The following FANCC variants were observed in gnomAD, a reference collection of about 807,000 sequenced individuals.
FANCC encodes the protein FA complementation group C.
A neutral mutation model predicts 71.3 loss-of-function variants in FANCC; 55 were observed. The observed-to-expected ratio is 0.77, with a 90% CI of 0.62 to 0.97. FANCC has a LOEUF of 0.97. FANCC is among the 50% of genes least tolerant of loss of function. FANCC has a pLI of 0.00. For missense variants in FANCC, 678 were observed against 670.9 expected, an observed-to-expected ratio of 1.01 and a Z score of -0.12; for synonymous variants, 275 against 244.9, an observed-to-expected ratio of 1.12 and a Z score of -1.15.
chr9:95,154,780 T>A (rs1446857041), intron 6 of FANCC, among the ~76,000 whole-genome samples: 1 of 152,160 alleles, frequency 6.6e-6, no homozygotes, highest in Admixed American at 6.5e-5. Flanking sequence ...TTCTTAAAAA[T>A]ATCAAATATA....
intron 1 of FANCC, among the ~76,000 whole-genome samples, chr9:95,312,941 C>G (rs1835497366): frequency 6.6e-6 from 1 of 152,166 alleles, no homozygotes; most frequent in African/African-American, 2.4e-5. Flanking sequence ...GAAACCCATC[C>G]TCTAGGGCGC....
At chr9:95,301,076 T>C (rs1262063020) in intron 1 of FANCC, among the ~76,000 whole-genome samples, 1 of 151,808 alleles carries the variant, frequency 6.6e-6, no homozygotes, top group African/African-American at 2.4e-5. Context: ...TGTTCCTCGC[T>C]TGCAATTATT....
At chr9:95,281,306 A>C (rs1218977177) in intron 1 of FANCC, among the ~76,000 whole-genome samples, 2 of 152,092 alleles carry the variant, frequency 1.3e-5, no homozygotes, top group Non-Finnish European at 2.9e-5. Context: ...AAGAGAAAAG[A>C]AGCAAATAAT....
chr9:95,144,728 C>A (rs898505504), intron 7 of FANCC, among the ~76,000 whole-genome samples: 12 of 152,180 alleles, frequency 7.9e-5, no homozygotes, highest in Admixed American at 7.2e-4. Context: ...GTTAAATATT[C>A]TTTGTAAGTA....
chr9:95,286,769 C>A (rs1196451746), intron 1 of FANCC, among the ~76,000 whole-genome samples: 1 of 152,184 alleles, frequency 6.6e-6, no homozygotes, highest in Non-Finnish European at 1.5e-5. Flanking sequence ...ACAGCACTTT[C>A]CTGGCACGTG....
intron 1 of FANCC, chr9:95,292,571 C>A: frequency 6.8e-7 from 1 of 1,472,662 alleles, no homozygotes; most frequent in Admixed American, 1.7e-5. Context: ...TGTCCCAGAC[C>A]ACATGGCCCA....
At chr9:95,228,195 T>C (rs1388849118) in intron 4 of FANCC, among the ~76,000 whole-genome samples, 1 of 152,160 alleles carries the variant, frequency 6.6e-6, no homozygotes, top group Non-Finnish European at 1.5e-5. Context: ...GAAGAAAAGA[T>C]GGGAGGGGAG....
Position 95,279,317 on chromosome 9 carries a change from CAAGAAAAAAA to C in FANCC, c.-78-29958_-78-29949del, listed in dbSNP as rs925117723. On this transcript the variant is annotated intron_variant, in intron 1 of 14. Transcript: ENST00000289081. ...TGGGTGACAGACCAATACTCTGTCT[CAAGAAAAAAA>C]AAGAAAAAAAAAATCAAAAATAGAA... 3.5e-5 allele frequency among the ~76,000 whole-genome samples: 5 copies of C among 143,596 alleles called. No individual in the cohort carries two copies. In the East Asian group the frequency reaches 6.1e-4, roughly 17 times the overall value. The allele number at this position is 143,596 out of a possible 152,430, so 94.2% of individuals were successfully genotyped here. A position where few individuals can be genotyped will look rare whatever the true frequency, so the allele number is the denominator to read the frequency against.
chr9:95,204,863 T>A (rs1828020399), intron 4 of FANCC, among the ~76,000 whole-genome samples: 1 of 152,190 alleles, frequency 6.6e-6, no homozygotes, highest in South Asian at 2.1e-4. Flanking sequence ...AAACACCCGA[T>A]GGCTCCCCAT....
chr9:95,277,405 C>G (rs983344989), intron 1 of FANCC, among the ~76,000 whole-genome samples: 1 of 152,114 alleles, frequency 6.6e-6, no homozygotes, highest in African/African-American at 2.4e-5. Flanking sequence ...TTTCAGATGA[C>G]GGATATGCTA....
intron 11 of FANCC, among the ~76,000 whole-genome samples, chr9:95,117,084 T>C (rs765393550): frequency 2.6e-5 from 4 of 152,304 alleles, no homozygotes; most frequent in East Asian, 1.9e-4. Flanking sequence ...CCAGAGGCCA[T>C]TGTTTTTTTG....
Position 95,099,261 on chromosome 9 carries a change from A to AGAGT in FANCC, c.*2442_*2445dup, listed in dbSNP as rs1173373986. 2 of 219,840 alleles carry AGAGT rather than the reference A, an allele frequency of 9.1e-6. No individual in the cohort carries two copies. Among genetic ancestry groups the AGAGT allele is most frequent in the Non-Finnish European group, 1.8e-5 (2 of 109,900 alleles). The allele number at this position is 219,840 out of a possible 1,614,324, so 13.6% of individuals were successfully genotyped here. On this transcript the variant is annotated 3_prime_UTR_variant, in exon 15 of 15. Coordinates refer to ENST00000289081, the MANE Select transcript of FANCC (RefSeq NM_000136.3). ...TTTATCAAAAACTAAACTATCAGGGAGAGTCTACAAAAACTCCTGCTAGAG... is the reference window on the plus strand; with the variant it reads ...TTTATCAAAAACTAAACTATCAGGGAGAGTGAGTCTACAAAAACTCCTGCTAGAG...
chr9:95,287,986 C>G (rs1238892528), intron 1 of FANCC, among the ~76,000 whole-genome samples: 5 of 152,144 alleles, frequency 3.3e-5, no homozygotes, highest in African/African-American at 1.2e-4. Context: ...TAAGGAACCC[C>G]TGTTCTCCCA....
Position 95,172,074 on chromosome 9 carries a change from T to C in FANCC, c.419A>G (p.Tyr140Cys). ...EVALFTQGLGYAPIDYYPGLL... is the reference protein window; with the variant it reads ...EVALFTQGLGCAPIDYYPGLL... ...ACCAGGATAGTAATCTATAGGTGCA[T>C]ACCCAAGACCTTGAGTGAAAAGAGC... Residue 140 changes from tyrosine (Y) to cysteine (C), a missense_variant, in exon 5 of 15, where the codon TAT (tyrosine) becomes TGT (cysteine). By Grantham distance (194) the Tyr-to-Cys change is radical. Transcript: ENST00000289081. 1.2e-6 allele frequency: 2 copies of C among 1,612,890 alleles called. No individual in the cohort carries two copies. Among genetic ancestry groups the C allele is most frequent in the Non-Finnish European group, 1.7e-6 (2 of 1,178,994 alleles).
At position 95,283,633 on chromosome 9, in the gene FANCC, TACTC is replaced by T. The variant is rs527765211; in HGVS notation, c.-79+33889_-79+33892del. On this transcript the variant is annotated intron_variant, in intron 1 of 14. Transcript: ENST00000289081. ...TGTACAAACATAAAAGGGTATACTT[TACTC>T]ACTATGTTCCAATTATAATATTACA... Among the ~76,000 whole-genome samples, 25 of 152,368 alleles carry T rather than the reference TACTC, an allele frequency of 1.6e-4. No homozygotes were observed. The South Asian group carries it at 3.7e-3, about 23-fold the overall frequency.
At chr9:95,176,833 T>C (rs1009198360) in intron 4 of FANCC, among the ~76,000 whole-genome samples, 4 of 152,186 alleles carry the variant, frequency 2.6e-5, no homozygotes, top group Admixed American at 6.5e-5. Context: ...TCAGTTAAGA[T>C]TGTAGATGTT....
rs2134368527 is a variant in FANCC, at chr9:95,099,231, C to T, written c.*2476G>A. 1 of 218,460 alleles carries T rather than the reference C, an allele frequency of 4.6e-6. No homozygotes were observed. Among genetic ancestry groups the T allele is most frequent in the Non-Finnish European group, 9.2e-6 (1 of 108,866 alleles). The allele number at this position is 218,460 out of a possible 1,614,324, so 13.5% of individuals were successfully genotyped here. ...TCTCTGAGGGTAGTGGTTTTACCAG[C>T]ATGCTTTATCAAAAACTAAACTATC... On this transcript the variant is annotated 3_prime_UTR_variant, in exon 15 of 15. Coordinates refer to ENST00000289081, the MANE Select transcript of FANCC (RefSeq NM_000136.3).
chr9:95,240,796 T>C, intron 3 of FANCC, 53 bp from the exon 4 acceptor site: 5 of 1,019,810 alleles, frequency 4.9e-6, no homozygotes, highest in South Asian at 2.6e-5. Flanking sequence ...ATCATTAATA[T>C]AAAAACACTG....
At chr9:95,122,496 T>C (rs2072963666) in intron 10 of FANCC, among the ~76,000 whole-genome samples, 1 of 152,220 alleles carries the variant, frequency 6.6e-6, no homozygotes, top group South Asian at 2.1e-4. Context: ...TTTCCTTTCC[T>C]TTGTTGAGCT....
Sources: gnomAD v4.1 joint callset for allele counts (sites outside exome capture counted in the v4.1 genomes callset) on GRCh38, gnomAD v4.1.1 for gene constraint, MANE v1.5 for transcripts, NCBI Gene and HGNC (gene_info 2026-07-23, HGNC 2026-07-21) for gene names.